TRPM3: variants seen among roughly 807,000 people sequenced by gnomAD.
TRPM3 encodes transient receptor potential cation channel subfamily M member 3, also known as long transient receptor potential channel 3.
A neutral mutation model predicts 181.2 loss-of-function variants in TRPM3; 77 were observed. The ratio of observed to expected loss-of-function variants is 0.42; its 90% CI spans 0.35 to 0.51. The LOEUF is 0.51. Among genes scored for constraint, TRPM3 ranks in the 20% least tolerant of loss-of-function variants. The pLI, the probability that TRPM3 is intolerant of heterozygous loss-of-function variation, is 0.01. For missense variants in TRPM3, 1,759 were observed against 2,196.7 expected (o/e 0.80, Z 3.98); for synonymous variants, 745 against 796.4 (o/e 0.94, Z 1.09).
chr9:71,305,647 T>A (rs557247560), intron 1 of TRPM3, among the ~76,000 whole-genome samples: 1 of 152,288 alleles, frequency 6.6e-6, no homozygotes, highest in African/African-American at 2.4e-5. Flanking sequence ...TGGGCTCCAG[T>A]GTAATGAAAA....
upstream of TRPM3, among the ~76,000 whole-genome samples, chr9:71,123,958 T>TC (rs1384045300): frequency 1.3e-5 from 2 of 152,112 alleles, no homozygotes; most frequent in Non-Finnish European, 2.9e-5. Flanking sequence ...TTTGATCCTA[T>TC]CCCCTTTAAT....
At chr9:71,333,745 C>G (rs1328142560) in intron 1 of TRPM3, among the ~76,000 whole-genome samples, 1 of 151,782 alleles carries the variant, frequency 6.6e-6, no homozygotes, top group Non-Finnish European at 1.5e-5. Context: ...CACCTGGATT[C>G]CTTATGCACA....
chr9:71,275,278 G>A (rs1244774085), intron 1 of TRPM3, among the ~76,000 whole-genome samples: 1 of 152,102 alleles, frequency 6.6e-6, no homozygotes, highest in Non-Finnish European at 1.5e-5. Flanking sequence ...TGTTTTTTAA[G>A]TGTTTTTAAT....
intron 8 of TRPM3, among the ~76,000 whole-genome samples, chr9:70,688,033 C>T (rs1003012884): frequency 2.0e-5 from 3 of 152,194 alleles, no homozygotes; most frequent in African/African-American, 7.2e-5. Flanking sequence ...ATCTACTTCT[C>T]TTTCTCTGTC....
At chr9:70,989,625 T>C (rs2097457289) in intron 1 of TRPM3, among the ~76,000 whole-genome samples, 1 of 152,196 alleles carries the variant, frequency 6.6e-6, no homozygotes, top group African/African-American at 2.4e-5. Context: ...CCTTCTGACC[T>C]GGACCAAGAT....
At chr9:70,660,162 A>G (rs1428726309) in intron 9 of TRPM3, among the ~76,000 whole-genome samples, 3 of 152,170 alleles carry the variant, frequency 2.0e-5, no homozygotes, top group African/African-American at 7.2e-5. Context: ...AAGATTTTAA[A>G]AAAGAAAAGG....
chr9:70,872,919 C>T (rs1038301735), intron 1 of TRPM3, among the ~76,000 whole-genome samples: 21 of 151,872 alleles, frequency 1.4e-4, no homozygotes, highest in African/African-American at 5.1e-4. Flanking sequence ...TCAGATGGTA[C>T]CATCCTAAAA....
At chr9:71,428,818 TAC>T (rs1353947083) in intron 1 of TRPM3, among the ~76,000 whole-genome samples, 3 of 152,096 alleles carry the variant, frequency 2.0e-5, no homozygotes, top group African/African-American at 7.2e-5. Context: ...CTTGAGTAGG[TAC>T]TGAATGAATA....
At chr9:71,109,324 T>C (rs1383869364) in intron 1 of TRPM3, among the ~76,000 whole-genome samples, 1 of 151,898 alleles carries the variant, frequency 6.6e-6, no homozygotes, top group Non-Finnish European at 1.5e-5. Context: ...GATTCCTGAC[T>C]AATACAATCT....
chr9:70,923,402 A>C (rs2993018), intron 1 of TRPM3, among the ~76,000 whole-genome samples: 1 of 152,110 alleles, frequency 6.6e-6, no homozygotes, highest in African/African-American at 2.4e-5. Flanking sequence ...TAGGATTACA[A>C]AATTTGCTTT....
rs763020980 is a variant in TRPM3 at position 70,619,145 on chromosome 9, ATAAGG to A, written c.2130-55_2130-51del. The A allele has an allele frequency of 7.2e-6, 11 of 1,524,384 alleles. No homozygotes were observed. In the Admixed American group the frequency reaches 8.1e-5, roughly 11 times the overall value. 94.4% of individuals were successfully genotyped at this position (1,524,384 alleles called of 1,614,324 possible). A position where few individuals can be genotyped will look rare whatever the true frequency, so the allele number is the denominator to read the frequency against. On this transcript the variant is annotated intron_variant, in intron 16 of 25. Transcript: ENST00000677713. ...GTCCTTCAGGTCAGCTTGGAGACTT[ATAAGG>A]TAAAAGTGGACCTGCTGGCCAACCA...
intron 1 of TRPM3, among the ~76,000 whole-genome samples, chr9:71,163,096 G>T (rs2076357760): frequency 6.6e-6 from 1 of 152,114 alleles, no homozygotes; most frequent in Non-Finnish European, 1.5e-5. Context: ...CTAATGAAAT[G>T]GTCCTTGTGT....
At chr9:70,642,864 G>A (rs2058272318) in intron 9 of TRPM3, among the ~76,000 whole-genome samples, 1 of 152,154 alleles carries the variant, frequency 6.6e-6, no homozygotes, top group East Asian at 1.9e-4. Context: ...GTAGCTCTTG[G>A]GTGGAGCCTA....
chr9:71,377,065 C>T (rs2092684339), intron 1 of TRPM3, among the ~76,000 whole-genome samples: 1 of 152,030 alleles, frequency 6.6e-6, no homozygotes, highest in African/African-American at 2.4e-5. Context: ...AAATGGCTCA[C>T]AAATTAAGGA....
At chr9:71,017,981 T>G (rs928641582) in intron 1 of TRPM3, among the ~76,000 whole-genome samples, 2 of 151,934 alleles carry the variant, frequency 1.3e-5, no homozygotes, top group African/African-American at 4.8e-5. Context: ...GTAAATGTTA[T>G]GATCACAGAG....
At chr9:71,300,874 T>C (rs2086706809) in intron 1 of TRPM3, among the ~76,000 whole-genome samples, 1 of 152,172 alleles carries the variant, frequency 6.6e-6, no homozygotes, top group Non-Finnish European at 1.5e-5. Flanking sequence ...GCACTACTAC[T>C]GACTCATATT....
chr9:71,425,707 A>T (rs930660865), intron 1 of TRPM3, among the ~76,000 whole-genome samples: 3 of 152,084 alleles, frequency 2.0e-5, no homozygotes, highest in African/African-American at 7.2e-5. Flanking sequence ...AGCTCACATC[A>T]TTTTCCTATT....
At chr9:71,368,220 G>A (rs1447806503) in intron 1 of TRPM3, among the ~76,000 whole-genome samples, 1 of 152,126 alleles carries the variant, frequency 6.6e-6, no homozygotes, top group Non-Finnish European at 1.5e-5. Flanking sequence ...CTGATTGTGA[G>A]TAAAACTGTA....
intron 7 of TRPM3, among the ~76,000 whole-genome samples, chr9:70,762,646 G>C (rs542919966): frequency 6.6e-6 from 1 of 152,294 alleles, no homozygotes; most frequent in Admixed American, 6.5e-5. Flanking sequence ...CATAATTAAA[G>C]TATCAGCAAC....
Sources: allele counts gnomAD v4.1 joint callset (sites outside exome capture counted in the v4.1 genomes callset), GRCh38; gene constraint gnomAD v4.1.1; transcripts MANE v1.5; gene names NCBI Gene and HGNC (gene_info 2026-07-23, HGNC 2026-07-21).